SLC1A3: variants seen among roughly 807,000 people sequenced by gnomAD.
SLC1A3 encodes the protein solute carrier family 1 member 3, also known as excitatory amino acid transporter 1.
A neutral mutation model predicts 48.1 loss-of-function variants in SLC1A3; 21 were observed. That is an observed-to-expected ratio of 0.44 (90% CI 0.31 to 0.63). The LOEUF (loss-of-function observed/expected upper bound fraction) is 0.63. Among genes scored for constraint, SLC1A3 ranks in the 20% least tolerant of loss-of-function variants. SLC1A3 has a pLI of 0.08. For synonymous variants in SLC1A3, 239 were observed against 251.4 expected (o/e 0.95, Z 0.47); for missense variants, 546 against 689.0 (o/e 0.79, Z 2.32).
intron 4 of SLC1A3, among the ~76,000 whole-genome samples, chr5:36,673,556 G>C (rs762326352): frequency 6.6e-6 from 1 of 152,206 alleles, no homozygotes; most frequent in Non-Finnish European, 1.5e-5. Flanking sequence ...AGAAGCTTTA[G>C]CAATTCAGTG....
Position 36,671,098 on chromosome 5 carries a change from C to G in SLC1A3, c.389C>G (p.Thr130Ser). 6.2e-7 allele frequency: 1 copy of G among 1,613,474 alleles called. No individual in the cohort carries two copies. The highest frequency in any genetic ancestry group is 8.5e-7 in the Non-Finnish European group (1 of 1,179,406). ...GMRAVVYYMT[T>S]TIIAVVIGII... ...CGAGCTGTAGTCTATTATATGACTACCACCATCATTGCTGTGGTGATTGGC... is the reference window on the plus strand; with the variant it reads ...CGAGCTGTAGTCTATTATATGACTAGCACCATCATTGCTGTGGTGATTGGC... The change falls in exon 4 of 10, where the codon ACC (threonine) becomes AGC (serine). Residue 130 changes from threonine to serine, a missense_variant. Coordinates refer to ENST00000265113, the MANE Select transcript of SLC1A3 (RefSeq NM_004172.5).
Position 36,627,408 on chromosome 5 carries a change from G to T in SLC1A3, c.182-2042G>T, listed in dbSNP as rs187535223. Among the ~76,000 whole-genome samples, 193 of 152,076 alleles carry T rather than the reference G, an allele frequency of 1.3e-3. 1 individual carries two copies. The highest frequency in any genetic ancestry group is 2.3e-3 in the Non-Finnish European group (158 of 67,972). ...CACTAATAGAGCATTAAGCTACCCAGCCAACCCACGCAGAAAGCAATTTCG... is the reference window on the plus strand; with the variant it reads ...CACTAATAGAGCATTAAGCTACCCATCCAACCCACGCAGAAAGCAATTTCG... On this transcript the variant is annotated intron_variant, in intron 2 of 9. Coordinates refer to ENST00000265113, the MANE Select transcript of SLC1A3 (RefSeq NM_004172.5).
intron 3 of SLC1A3, chr5:36,668,525 A>AC (rs1741853395): frequency 6.6e-6 from 1 of 152,168 alleles, no homozygotes; most frequent in African/African-American, 2.4e-5. Flanking sequence ...TAAGGGAAGG[A>AC]CCTACATGGA....
chr5:36,609,237 A>G, intron 2 of SLC1A3: 1 of 959,738 alleles, frequency 1.0e-6, no homozygotes, highest in Non-Finnish European at 1.2e-6. Context: ...CTAATTTAGC[A>G]GGGTTGACAG....
intron 2 of SLC1A3, among the ~76,000 whole-genome samples, chr5:36,615,118 C>T (rs964046488): frequency 6.6e-6 from 1 of 152,178 alleles, no homozygotes; most frequent in Admixed American, 6.5e-5. Flanking sequence ...GGCCACCCTC[C>T]TTCTGATTTG....
intron 3 of SLC1A3, among the ~76,000 whole-genome samples, chr5:36,658,445 T>C (rs1479382331): frequency 1.3e-5 from 2 of 151,988 alleles, no homozygotes; most frequent in Non-Finnish European, 2.9e-5. Flanking sequence ...AATAATGATA[T>C]ATGAGGATCT....
At chr5:36,628,439 C>T (rs1247479197) in intron 2 of SLC1A3, among the ~76,000 whole-genome samples, 1 of 152,176 alleles carries the variant, frequency 6.6e-6, no homozygotes, top group Non-Finnish European at 1.5e-5. Flanking sequence ...GCCTTTAGCT[C>T]CTAGTTAACT....
upstream of SLC1A3, among the ~76,000 whole-genome samples, chr5:36,604,998 T>A (rs2562581): frequency 0.23 from 34,248 of 151,394 alleles, 5,294 homozygotes; most frequent in African/African-American, 0.43. Context: ...GTCATGGCAT[T>A]GAGAAATGGC....
chr5:36,656,058 C>T (rs1741272169), intron 3 of SLC1A3, among the ~76,000 whole-genome samples: 1 of 152,162 alleles, frequency 6.6e-6, no homozygotes, highest in Non-Finnish European at 1.5e-5. Flanking sequence ...TATACTTATT[C>T]TACCTTAAAG....
chr5:36,605,889 C>G (rs1738917199), upstream of SLC1A3, among the ~76,000 whole-genome samples: 4 of 152,252 alleles, frequency 2.6e-5, no homozygotes, highest in South Asian at 8.3e-4. Flanking sequence ...GAACAGCAAC[C>G]TATCTTTTGA....
chr5:36,688,056 A>G lies in SLC1A3; in HGVS notation c.*1787A>G, dbSNP rs1262030016. On this transcript the variant is annotated 3_prime_UTR_variant, in exon 10 of 10. Transcript: ENST00000265113. The stretch of plus-strand genomic sequence containing the variant: ...TTAGGCTGTGGTGCAGTAACCATTT[A>G]ATGTCGAGGCTCTATTTCGGAAATA... 2.0e-5 allele frequency: 3 copies of G among 152,246 alleles called. No homozygotes were observed. The highest frequency in any genetic ancestry group is 4.4e-5 in the Non-Finnish European group (3 of 68,044). The allele number at this position is 152,246 out of a possible 1,614,324, so 9.4% of individuals were successfully genotyped here. A position where few individuals can be genotyped will look rare whatever the true frequency, so the allele number is the denominator to read the frequency against.
rs981192023 is a variant in SLC1A3, at chr5:36,687,123, A to C, written c.*854A>C. ...CAGGTTATGCAAGTCGCCAGGCAGG[A>C]GGCCATTCCAGGAGTGGGATTATTC... On this transcript the variant is annotated 3_prime_UTR_variant, in exon 10 of 10. Transcript: ENST00000265113. 4.6e-5 allele frequency: 7 copies of C among 152,324 alleles called. No individual in the cohort carries two copies. The highest frequency in any genetic ancestry group is 8.8e-5 in the Non-Finnish European group (6 of 68,092). 9.4% of individuals were successfully genotyped at this position (152,324 alleles called of 1,614,324 possible).
At chr5:36,653,032 G>C (rs978485709) in intron 3 of SLC1A3, among the ~76,000 whole-genome samples, 1 of 152,160 alleles carries the variant, frequency 6.6e-6, no homozygotes, top group Admixed American at 6.5e-5. Context: ...GTTTCTTCTT[G>C]TTTTATGACC....
At chr5:36,676,857 C>G (rs756478718) in intron 5 of SLC1A3, 35 bp from the exon 6 acceptor site, 3 of 1,507,924 alleles carry the variant, frequency 2.0e-6, no homozygotes, top group Non-Finnish European at 2.7e-6. Flanking sequence ...AAATAAAAAT[C>G]ACCTTTAATC....
rs68027582 is a variant in SLC1A3, at chr5:36,645,319, C to CTTTTTTTTTTTTTTTTTTTTTTTTTTTTT, written c.319+15733_319+15761dup. 2.4e-5 allele frequency among the ~76,000 whole-genome samples: 2 copies of CTTTTTTTTTTTTTTTTTTTTTTTTTTTTT among 84,272 alleles called. 1 individual carries two copies. The allele number at this position is 84,272 out of a possible 152,430, so 55.3% of individuals were successfully genotyped here. A position where few individuals can be genotyped will look rare whatever the true frequency, so the allele number is the denominator to read the frequency against. ...ATCTTTGAGGACTGACTTCCGCTGC[C>CTTTTTTTTTTTTTTTTTTTTTTTTTTTTT]TTTTTTTTTTTTTTTTTTTTTTTTT... On this transcript the variant is annotated intron_variant, in intron 3 of 9. Transcript: ENST00000265113.
intron 3 of SLC1A3, 122 bp from the exon 4 acceptor site, chr5:36,670,907 C>G: frequency 1.1e-6 from 1 of 880,896 alleles, no homozygotes; most frequent in Non-Finnish European, 1.8e-6. Context: ...ACAACATGTA[C>G]GAAATCCCAT....
intron 3 of SLC1A3, among the ~76,000 whole-genome samples, chr5:36,664,452 C>T (rs1199350504): frequency 6.6e-6 from 1 of 152,038 alleles, no homozygotes; most frequent in African/African-American, 2.4e-5. Flanking sequence ...CTTTTTAAAG[C>T]CTCTACTATT....
chr5:36,627,022 AT>A (rs761995338), intron 2 of SLC1A3, among the ~76,000 whole-genome samples: 14 of 152,236 alleles, frequency 9.2e-5, no homozygotes, highest in Non-Finnish European at 1.9e-4. Flanking sequence ...AGACATTGTT[AT>A]AAAAATGCAA....
At chr5:36,675,372 T>C (rs1742164398) in intron 5 of SLC1A3, among the ~76,000 whole-genome samples, 1 of 152,194 alleles carries the variant, frequency 6.6e-6, no homozygotes, top group Non-Finnish European at 1.5e-5. Flanking sequence ...GGGCTGACGA[T>C]TCCAGTAAGT....
Sources: allele counts gnomAD v4.1 joint callset (sites outside exome capture counted in the v4.1 genomes callset), GRCh38; gene constraint gnomAD v4.1.1; transcripts MANE v1.5; gene names NCBI Gene and HGNC (gene_info 2026-07-23, HGNC 2026-07-21).